DST: variants seen among roughly 807,000 people sequenced by gnomAD.
DST encodes the protein dystonin, also known as bullous pemphigoid antigen.
A neutral mutation model predicts 875.2 loss-of-function variants in DST; 253 were observed. That is an observed-to-expected ratio of 0.29 (90% CI 0.26 to 0.32). The LOEUF (loss-of-function observed/expected upper bound fraction) is 0.32, where lower values mean the gene tolerates loss of function less well. Among genes scored for constraint, DST ranks in the 10% least tolerant of loss-of-function variants. The pLI, the probability that DST is intolerant of heterozygous loss-of-function variation, is 1.00. For synonymous variants in DST, 3,124 were observed against 3,197.1 expected, an observed-to-expected ratio of 0.98 and a Z score of 0.77; for missense variants, 8,287 against 9,111.6, an observed-to-expected ratio of 0.91 and a Z score of 3.68.
At chr6:56,632,588 A>G (rs913806637) in intron 28 of DST, among the ~76,000 whole-genome samples, 11 of 152,244 alleles carry the variant, frequency 7.2e-5, no homozygotes, top group African/African-American at 2.7e-4. Flanking sequence ...GAAGGATTGC[A>G]AAATAGTGAA....
chr6:56,816,964 C>T (rs1284990090), intron 4 of DST, among the ~76,000 whole-genome samples: 1 of 151,846 alleles, frequency 6.6e-6, no homozygotes, highest in Non-Finnish European at 1.5e-5. Flanking sequence ...TCACAATGTT[C>T]CAAAAACCAA....
intron 37 of DST, among the ~76,000 whole-genome samples, chr6:56,612,500 A>G (rs1384085168): frequency 6.6e-6 from 1 of 152,252 alleles, no homozygotes; most frequent in East Asian, 1.9e-4. Flanking sequence ...GCAAGAGGTC[A>G]CACACTTTCT....
intron 9 of DST, among the ~76,000 whole-genome samples, chr6:56,672,376 G>C (rs77083371): frequency 6.6e-6 from 1 of 152,280 alleles, no homozygotes; most frequent in African/African-American, 2.4e-5. Context: ...TTTAAAAGCG[G>C]AACAAACTGT....
chr6:56,536,949 A>G lies in DST; in HGVS notation c.16609-9T>C, dbSNP rs1047501117. 9 of 1,612,680 alleles carry G rather than the reference A, an allele frequency of 5.6e-6. No individual in the cohort carries two copies. In the East Asian group the frequency reaches 1.8e-4, roughly 32 times the overall value. On this transcript the variant is annotated splice_polypyrimidine_tract_variant and intron_variant, in intron 61 of 103. Transcript: ENST00000680361. Reference sequence around the variant, plus strand: ...TCTTCTTTCTGGAATACCTGCAGTTAAAAGAGTAATAATTATATGAGTTAT... The same window carrying G: ...TCTTCTTTCTGGAATACCTGCAGTTGAAAGAGTAATAATTATATGAGTTAT...
rs1158654126 is a variant in DST, at chr6:56,608,699, G to C, written c.5929C>G (p.Leu1977Val). 2 of 1,612,568 alleles carry C rather than the reference G, an allele frequency of 1.2e-6. No homozygotes were observed. Residue 1977 changes from leucine (L) to valine (V), a missense_variant, in exon 40 of 104, where the codon CTC becomes GTC. Physicochemically the swap from Leu to Val is conservative, Grantham distance 32. Coordinates refer to ENST00000680361, the MANE Select transcript of DST (RefSeq NM_001374736.1). ...ISILRAAHEG[L>V]IDRETMFRLL... is the part of the protein sequence containing the mutation. ...CTAAACATGGTTTCACGGTCTATGAGACCTTCATGAGCTGCTCTTAAAATG... is the reference window on the plus strand; with the variant it reads ...CTAAACATGGTTTCACGGTCTATGACACCTTCATGAGCTGCTCTTAAAATG...
intron 4 of DST, among the ~76,000 whole-genome samples, chr6:56,801,025 G>GAAAA (rs34514599): frequency 3.7e-3 from 249 of 66,934 alleles, no homozygotes; most frequent in African/African-American, 0.013. Flanking sequence ...GTCTCAGGGA[G>GAAAA]AAAAAAAAAA....
chr6:56,576,950 GT>G (rs2097877008), intron 50 of DST, among the ~76,000 whole-genome samples: 1 of 152,132 alleles, frequency 6.6e-6, no homozygotes, highest in Non-Finnish European at 1.5e-5. Flanking sequence ...CGAAGACACT[GT>G]TTAGTTTGCA....
intron 10 of DST, among the ~76,000 whole-genome samples, chr6:56,654,617 T>C (rs1409217379): frequency 6.6e-6 from 1 of 151,038 alleles, no homozygotes; most frequent in African/African-American, 2.5e-5. Flanking sequence ...TCCACACGTA[T>C]ATATACATAT....
At chr6:56,872,134 G>A (rs1272774442) in intron 3 of DST, among the ~76,000 whole-genome samples, 1 of 152,182 alleles carries the variant, frequency 6.6e-6, no homozygotes, top group Non-Finnish European at 1.5e-5. Context: ...AAAATGCACA[G>A]TGGCACTCAT....
chr6:56,614,813 T>G, intron 36 of DST: 1 of 1,007,564 alleles, frequency 9.9e-7, no homozygotes. Context: ...GCATTAGCAT[T>G]ACAATCCTAA....
intron 3 of DST, chr6:56,871,650 G>C: frequency 1.4e-6 from 1 of 735,482 alleles, no homozygotes; most frequent in Non-Finnish European, 2.5e-6. Flanking sequence ...TACTGAAAAG[G>C]AACAAATTGT....
At chr6:56,626,891 T>C (rs1340452481) in intron 34 of DST, among the ~76,000 whole-genome samples, 1 of 151,796 alleles carries the variant, frequency 6.6e-6, no homozygotes, top group African/African-American at 2.4e-5. Flanking sequence ...GTGAGAAAGT[T>C]AGAAGCTCTC....
intron 4 of DST, among the ~76,000 whole-genome samples, chr6:56,822,783 A>T (rs35225175): frequency 0.12 from 18,069 of 150,910 alleles, 1,523 homozygotes; most frequent in Non-Finnish European, 0.18. Context: ...CAGCCACTTT[A>T]AAAAAAAAGC....
chr6:56,822,791 AG>A (rs539072210), intron 4 of DST, among the ~76,000 whole-genome samples: 11 of 151,742 alleles, frequency 7.2e-5, no homozygotes, highest in Non-Finnish European at 1.3e-4. Context: ...TTAAAAAAAA[AG>A]CTACACTATT....
At chr6:56,878,472 G>A (rs1004364176) in intron 3 of DST, among the ~76,000 whole-genome samples, 1 of 152,168 alleles carries the variant, frequency 6.6e-6, no homozygotes, top group Non-Finnish European at 1.5e-5. Flanking sequence ...CAGGGACAGA[G>A]GGAGCTAGTT....
At chr6:56,909,334 C>G (rs985228178) in intron 2 of DST, among the ~76,000 whole-genome samples, 1 of 152,272 alleles carries the variant, frequency 6.6e-6, no homozygotes, top group Admixed American at 6.5e-5. Flanking sequence ...TGAGCTCTAG[C>G]CAATGAAATG....
At chr6:56,503,627 A>ACACACG (rs1478684126) in intron 78 of DST, among the ~76,000 whole-genome samples, 1 of 149,434 alleles carries the variant, frequency 6.7e-6, no homozygotes, top group Non-Finnish European at 1.5e-5. Context: ...ACACACACAC[A>ACACACG]CCCCATGTCC....
chr6:56,604,073 A>T lies in DST; in HGVS notation c.10555T>A (p.Ser3519Thr). The T allele has an allele frequency of 6.3e-7, 1 of 1,582,212 alleles. No individual in the cohort carries two copies. Among genetic ancestry groups the T allele is most frequent in the Non-Finnish European group, 8.6e-7 (1 of 1,161,754 alleles). The part of the protein sequence containing the change: ...GDFNQKACST[S>T]EMMEEKPHIL... The stretch of plus-strand genomic sequence containing the variant: ...TGTGGCTTTTCTTCCATCATCTCAG[A>T]TGTAGAACATGCTTTTTGATTAAAG... The change falls in exon 40 of 104, where the codon TCT becomes ACT. Residue 3519 changes from serine (S) to threonine (T), a missense_variant. Transcript: ENST00000680361.
At chr6:56,483,397 T>C (rs1252702575) in intron 88 of DST, 1 of 152,194 alleles carries the variant, frequency 6.6e-6, no homozygotes, top group African/African-American at 2.4e-5. Flanking sequence ...CCATAGGAAG[T>C]TGGCAGATGG....
Sources: allele counts gnomAD v4.1 joint callset (sites outside exome capture counted in the v4.1 genomes callset), GRCh38; gene constraint gnomAD v4.1.1; transcripts MANE v1.5; gene names NCBI Gene and HGNC (gene_info 2026-07-23, HGNC 2026-07-21).